The following ERG variants were observed in gnomAD, a reference collection of about 807,000 sequenced individuals.
ERG encodes the protein transcriptional regulator ERG.
A neutral mutation model predicts 55.3 loss-of-function variants in ERG; 9 were observed. That is an observed-to-expected ratio of 0.16 (90% CI 0.10 to 0.28). The LOEUF (loss-of-function observed/expected upper bound fraction) is 0.28, where lower values mean the gene tolerates loss of function less well. Ranked by LOEUF, ERG falls within the 10% of genes least tolerant of loss-of-function variation. The probability of loss-of-function intolerance (pLI) is 1.00; values close to 1 mark genes in which losing one functional copy is unlikely to be tolerated. For missense variants in ERG, 434 were observed against 631.6 expected, an observed-to-expected ratio of 0.69 and a Z score of 3.35; for synonymous variants, 223 against 237.3, an observed-to-expected ratio of 0.94 and a Z score of 0.55.
intron 1 of ERG, among the ~76,000 whole-genome samples, chr21:38,610,108 G>A (rs2060217386): frequency 6.6e-6 from 1 of 152,192 alleles, no homozygotes; most frequent in East Asian, 1.9e-4. Flanking sequence ...AGGTTCACAG[G>A]TTCTTTGCAA....
intron 1 of ERG, among the ~76,000 whole-genome samples, chr21:38,659,119 C>T (rs1392649583): frequency 2.0e-5 from 3 of 152,150 alleles, no homozygotes; most frequent in Admixed American, 6.6e-5. Flanking sequence ...AGACGGATTA[C>T]CCATTTGCTA....
intron 2 of ERG, among the ~76,000 whole-genome samples, chr21:38,509,488 T>C (rs1037046867): frequency 1.3e-5 from 2 of 152,116 alleles, no homozygotes; most frequent in African/African-American, 4.8e-5. Flanking sequence ...ACATCAACAG[T>C]TCCTTCCTAT....
rs547776036 is a variant in ERG, at chr21:38,460,283, G to A, written c.19-14662C>T. Reference sequence around the variant, plus strand: ...GGCTGGGGGTGGTAGAGCCTTGCAGGCCATGGCAGGAACCTGGGTGTTGAC... The same window carrying A: ...GGCTGGGGGTGGTAGAGCCTTGCAGACCATGGCAGGAACCTGGGTGTTGAC... On this transcript the variant is annotated intron_variant, in intron 1 of 9. Coordinates refer to ENST00000288319, the MANE Select transcript of ERG (RefSeq NM_182918.4). This position sits in a 1 kb window ranked among gnomAD's most constrained non-coding sequence, Gnocchi z 5.0. 5.9e-5 allele frequency among the ~76,000 whole-genome samples: 9 copies of A among 152,310 alleles called. No homozygotes were observed. The South Asian group carries it at 1.9e-3, about 32-fold the overall frequency.
chr21:38,496,431 G>A (rs1363172747), intron 1 of ERG, among the ~76,000 whole-genome samples: 1 of 152,080 alleles, frequency 6.6e-6, no homozygotes, highest in East Asian at 1.9e-4. Flanking sequence ...AACAGACTCA[G>A]GACCTCCTTT....
chr21:38,371,688 C>A, the ERG span, among the ~76,000 whole-genome samples: 1 of 151,990 alleles, frequency 6.6e-6, no homozygotes, highest in Non-Finnish European at 1.5e-5. Context: ...ATTAACCCAA[C>A]TTTGCACTAT....
chr21:38,599,449 T>C (rs1014947441), intron 1 of ERG, among the ~76,000 whole-genome samples: 6 of 152,190 alleles, frequency 3.9e-5, no homozygotes, highest in African/African-American at 1.4e-4. Context: ...AGACCTTTGC[T>C]TCACAGAGGG....
At chr21:38,493,999 C>T (rs866923976) in intron 1 of ERG, among the ~76,000 whole-genome samples, 50 of 152,206 alleles carry the variant, frequency 3.3e-4, no homozygotes, top group African/African-American at 1.2e-3. Context: ...CGTCTGATGG[C>T]ATCTGCCATT....
chr21:38,403,869 C>G (rs931057418), intron 3 of ERG, among the ~76,000 whole-genome samples, 160 bp from the exon 4 acceptor site: 2 of 152,194 alleles, frequency 1.3e-5, no homozygotes, highest in African/African-American at 4.8e-5. Flanking sequence ...GGGGGAAAGA[C>G]AAAAGCTGCC....
At chr21:38,412,885 C>G (rs57918735) in intron 3 of ERG, among the ~76,000 whole-genome samples, 1 of 152,040 alleles carries the variant, frequency 6.6e-6, no homozygotes, top group Non-Finnish European at 1.5e-5. Context: ...TTCTGTACAG[C>G]GTAGGTTGAA....
At chr21:38,590,691 G>A (rs2060095279) in intron 1 of ERG, among the ~76,000 whole-genome samples, 1 of 151,820 alleles carries the variant, frequency 6.6e-6, no homozygotes, top group Non-Finnish European at 1.5e-5. Flanking sequence ...ATCCATCCAT[G>A]TATTCATCCA....
chr21:38,563,109 G>A (rs1372819630), intron 2 of ERG, among the ~76,000 whole-genome samples: 4 of 152,212 alleles, frequency 2.6e-5, no homozygotes, highest in Non-Finnish European at 2.9e-5. Context: ...GTGGTTGTCA[G>A]GGCCTAGGAG....
chr21:38,523,693 T>C (rs1381529250), intron 2 of ERG, among the ~76,000 whole-genome samples: 3 of 152,226 alleles, frequency 2.0e-5, no homozygotes, highest in Admixed American at 1.3e-4. Flanking sequence ...AATTTGCTAC[T>C]GGATTTCAAT....
chr21:38,517,131 C>T (rs1234233817), intron 2 of ERG, among the ~76,000 whole-genome samples: 2 of 151,962 alleles, frequency 1.3e-5, no homozygotes, highest in Non-Finnish European at 2.9e-5. Flanking sequence ...AACTAAAACA[C>T]TTCTGCACAG....
chr21:38,649,437 G>T (rs1297284978), intron 1 of ERG, among the ~76,000 whole-genome samples: 1 of 152,184 alleles, frequency 6.6e-6, no homozygotes, highest in East Asian at 1.9e-4. Context: ...GGGATGACAC[G>T]CTTTTTCCGA....
intron 1 of ERG, among the ~76,000 whole-genome samples, chr21:38,600,012 C>T (rs967870132): frequency 6.6e-6 from 1 of 152,182 alleles, no homozygotes; most frequent in African/African-American, 2.4e-5. Context: ...CCCACTGGGT[C>T]TCTGAAAGAG....
intron 2 of ERG, among the ~76,000 whole-genome samples, chr21:38,518,240 CTATCTA>C (rs2059567271): frequency 1.3e-4 from 1 of 7,738 alleles, no homozygotes; most frequent in African/African-American, 6.1e-4. Context: ...GTGTGTGTAT[CTATCTA>C]TCTATCTATC....
chr21:38,605,575 G>C (rs1452525382), intron 1 of ERG, among the ~76,000 whole-genome samples: 2 of 152,198 alleles, frequency 1.3e-5, no homozygotes, highest in Admixed American at 6.5e-5. Flanking sequence ...GTTAGCAAGT[G>C]CTAGCTGAAT....
At chr21:38,389,028 T>G (rs546498840) in intron 9 of ERG, among the ~76,000 whole-genome samples, 1 of 152,342 alleles carries the variant, frequency 6.6e-6, no homozygotes, top group East Asian at 1.9e-4. Context: ...TCTTCTTTGG[T>G]GCAGCTTGAC....
Position 38,417,033 on chromosome 21 carries a change from T to C in ERG, c.388+6377A>G, listed in dbSNP as rs533086372. Among the ~76,000 whole-genome samples the C allele has an allele frequency of 3.0e-4, 46 of 152,360 alleles. 1 individual carries two copies. The highest frequency in any genetic ancestry group is 1.4e-3 in the Admixed American group (22 of 15,306). On this transcript the variant is annotated intron_variant, in intron 3 of 9. Transcript: ENST00000288319. ...TGCTCTGAAATACTGGTCTGAGTCA[T>C]TCATTTGAGCTCTCAATCACACCTT... is the stretch of plus-strand genomic sequence containing the variant.
Sources: gnomAD v4.1 joint callset for allele counts (sites outside exome capture counted in the v4.1 genomes callset) on GRCh38, gnomAD v4.1.1 for gene constraint, Gnocchi (gnomAD v3.1) non-coding constraint, MANE v1.5 for transcripts, NCBI Gene and HGNC (gene_info 2026-07-23, HGNC 2026-07-21) for gene names.